BDP1: variants seen among roughly 807,000 people sequenced by gnomAD.
The protein encoded by BDP1 is BDP1 general transcription factor IIIB subunit, also known as transcription factor TFIIIB component B'' homolog.
BDP1 carries 169 observed loss-of-function variants against 266.6 expected under a neutral mutation model. The observed-to-expected ratio is 0.63, with a 90% CI of 0.56 to 0.72. The LOEUF is 0.72. BDP1 is among the 30% of genes least tolerant of loss of function. BDP1 has a pLI of 0.00. For missense variants in BDP1, 3,015 were observed against 3,053.8 expected (o/e 0.99, Z 0.30); for synonymous variants, 1,090 against 1,022.4 (o/e 1.07, Z -1.26).
At chr5:71,545,262 C>T (rs1489325999) in intron 32 of BDP1, 43 bp downstream of exon 32, 1 of 1,519,320 alleles carries the variant, frequency 6.6e-7, no homozygotes, top group East Asian at 2.3e-5. Context: ...AAGGTGTTTT[C>T]CTCCATTTAA....
chr5:71,516,046 T>A lies in BDP1; in HGVS notation c.4650-15T>A. 2 of 1,580,956 alleles carry A rather than the reference T, an allele frequency of 1.3e-6. No homozygotes were observed. Among genetic ancestry groups the A allele is most frequent in the Non-Finnish European group, 1.7e-6 (2 of 1,160,972 alleles). On this transcript the variant is annotated splice_polypyrimidine_tract_variant and intron_variant, in intron 20 of 38. Coordinates refer to ENST00000358731, the MANE Select transcript of BDP1 (RefSeq NM_018429.3). ...CAGTCAAGCGCCCTGCCTTTCTCCCTGTCCCCTTGTTTAGGACTAATAATG... is the reference window on the plus strand; with the variant it reads ...CAGTCAAGCGCCCTGCCTTTCTCCCAGTCCCCTTGTTTAGGACTAATAATG...
chr5:71,524,086 A>T lies in BDP1; in HGVS notation c.5535A>T (p.Gly1845=). The T allele has an allele frequency of 6.2e-7, 1 of 1,614,236 alleles. No individual in the cohort carries two copies. Among genetic ancestry groups the T allele is most frequent in the Admixed American group, 1.7e-5 (1 of 60,028 alleles). ...KFKPNVTRGR[G]SKRVRGKTSK... Reference sequence around the variant, plus strand: ...AACCAAATGTCACCAGAGGTCGTGGATCAAAACGAGTTCGGGGTAAGACCT... The same window carrying T: ...AACCAAATGTCACCAGAGGTCGTGGTTCAAAACGAGTTCGGGGTAAGACCT... Residue 1845 remains glycine (G), a synonymous_variant, in exon 25 of 39, where the codon GGA becomes GGT. Transcript: ENST00000358731.
intron 16 of BDP1, among the ~76,000 whole-genome samples, chr5:71,506,281 G>A (rs748163840): frequency 1.3e-5 from 2 of 152,132 alleles, no homozygotes; most frequent in Non-Finnish European, 2.9e-5. Flanking sequence ...CATGGGCAGT[G>A]TCATTTTTGC....
chr5:71,561,861 G>T (rs1429687574), intron 37 of BDP1, among the ~76,000 whole-genome samples: 1 of 152,132 alleles, frequency 6.6e-6, no homozygotes, highest in Non-Finnish European at 1.5e-5. Flanking sequence ...CTAGAGACCG[G>T]GGTCCTGCTA....
At chr5:71,530,669 C>T (rs1766188460) in intron 25 of BDP1, among the ~76,000 whole-genome samples, 1 of 152,144 alleles carries the variant, frequency 6.6e-6, no homozygotes, top group Admixed American at 6.5e-5. Context: ...CAGGCATGTG[C>T]CCCCGTGCTC....
intron 8 of BDP1, among the ~76,000 whole-genome samples, chr5:71,485,550 T>C (rs1317128486): frequency 6.6e-6 from 1 of 152,174 alleles, no homozygotes; most frequent in East Asian, 1.9e-4. Context: ...TTTTAGTATA[T>C]ACCTTCTTTT....
chr5:71,500,123 T>C (rs1764136957), intron 13 of BDP1, among the ~76,000 whole-genome samples: 1 of 152,086 alleles, frequency 6.6e-6, no homozygotes, highest in African/African-American at 2.4e-5. Context: ...TTTTAAGATG[T>C]TGGTTTGCTT....
At chr5:71,508,623 T>G (rs972653122) in intron 16 of BDP1, among the ~76,000 whole-genome samples, 4 of 152,194 alleles carry the variant, frequency 2.6e-5, no homozygotes, top group Admixed American at 1.3e-4. Context: ...TATAGTTATA[T>G]ACCTGTTCAG....
In BDP1 at chr5:71,458,691, G is replaced by A. The variant is rs777583955; in HGVS notation, c.325G>A (p.Val109Ile). 3 of 1,614,138 alleles carry A rather than the reference G, an allele frequency of 1.9e-6. No homozygotes were observed. Among genetic ancestry groups the A allele is most frequent in the East Asian group, 2.2e-5 (1 of 44,878 alleles). ...SSTSSLVKSSVSVPSESHPLS... is the reference protein window; with the variant it reads ...SSTSSLVKSSISVPSESHPLS... ...TACTTCTAGCCTGGTTAAGTCTAGT[G>A]TCAGTGTTCCTTCAGAATCTCATCC... The change falls in exon 2 of 39, where the codon GTC becomes ATC. Residue 109 changes from valine (V) to isoleucine (I), a missense_variant. Around this residue, in one of 3 missense-constraint regions of BDP1, gnomAD observed 2,383 missense variants for 2,404.9 expected, o/e 0.99. Coordinates refer to ENST00000358731, the MANE Select transcript of BDP1 (RefSeq NM_018429.3).
intron 8 of BDP1, 90 bp downstream of exon 8, chr5:71,483,986 T>G (rs1252101523): frequency 3.6e-6 from 4 of 1,121,242 alleles, no homozygotes; most frequent in Non-Finnish European, 5.2e-6. Context: ...TGTTTTAGAT[T>G]TGTTTTGTTC....
At chr5:71,505,430 T>C (rs537791308) in intron 16 of BDP1, among the ~76,000 whole-genome samples, 1 of 152,378 alleles carries the variant, frequency 6.6e-6, no homozygotes, top group East Asian at 1.9e-4. Context: ...ATTTAAGATT[T>C]ATAAATTTTA....
Position 71,497,313 on chromosome 5 carries a change from C to T in BDP1, c.1843C>T (p.Arg615Cys), listed in dbSNP as rs759542204. 12 of 1,613,562 alleles carry T rather than the reference C, an allele frequency of 7.4e-6. No individual in the cohort carries two copies. The highest frequency in any genetic ancestry group is 2.2e-5 in the East Asian group (1 of 44,842). ...TENVKPMLRGRFQRPKPNLSR... is the reference protein window; with the variant it reads ...TENVKPMLRGCFQRPKPNLSR... Reference sequence around the variant, plus strand: ...AAATGTTAAACCAATGTTGAGAGGTCGCTTCCAAAGACCTAAACCCAATTT... The same window carrying T: ...AAATGTTAAACCAATGTTGAGAGGTTGCTTCCAAAGACCTAAACCCAATTT... Residue 615 changes from arginine to cysteine, a missense_variant, in exon 13 of 39, where the codon CGC (arginine) becomes TGC (cysteine). Arg to Cys is a radical substitution (Grantham distance 180, BLOSUM62 -3). Coordinates refer to ENST00000358731, the MANE Select transcript of BDP1 (RefSeq NM_018429.3).
At chr5:71,531,053 G>A (rs1430605989) in intron 25 of BDP1, among the ~76,000 whole-genome samples, 3 of 152,024 alleles carry the variant, frequency 2.0e-5, no homozygotes, top group Non-Finnish European at 4.4e-5. Flanking sequence ...CAGCTTGGGC[G>A]ATAGAGTGAG....
At chr5:71,575,760 A>T in the BDP1 span, among the ~76,000 whole-genome samples, 4 of 152,200 alleles carry the variant, frequency 2.6e-5, no homozygotes, top group South Asian at 8.3e-4. Context: ...ACCCCAAGGC[A>T]TGCTTAACAG....
chr5:71,497,646 A>G (rs1763975406), intron 13 of BDP1, among the ~76,000 whole-genome samples: 1 of 152,232 alleles, frequency 6.6e-6, no homozygotes. Context: ...CTCAGTGGTG[A>G]TAAATCTGTC....
intron 2 of BDP1, among the ~76,000 whole-genome samples, chr5:71,460,130 A>T (rs1761453132): frequency 6.6e-6 from 1 of 152,226 alleles, no homozygotes; most frequent in African/African-American, 2.4e-5. Context: ...CTGTAATCCC[A>T]GCACTTTGGG....
rs796287628 is a variant in BDP1 at position 71,522,576 on chromosome 5, A to G, written c.5193+86A>G. The G allele has an allele frequency of 9.7e-5, 124 of 1,282,874 alleles. 1 individual carries two copies. In the African/African-American group the frequency reaches 1.6e-3, roughly 17 times the overall value. 79.5% of individuals were successfully genotyped at this position (1,282,874 alleles called of 1,614,324 possible). A position where few individuals can be genotyped will look rare whatever the true frequency, so the allele number is the denominator to read the frequency against. ...ATCATGAAGAGCATGAGTAAAATAC[A>G]GTTTTGACTTCTGTACTGTAACCAT... On this transcript the variant is annotated intron_variant, in intron 23 of 38. Coordinates refer to ENST00000358731, the MANE Select transcript of BDP1 (RefSeq NM_018429.3).
intron 35 of BDP1, among the ~76,000 whole-genome samples, chr5:71,553,640 G>A (rs1743010721): frequency 6.6e-6 from 1 of 152,088 alleles, no homozygotes; most frequent in Non-Finnish European, 1.5e-5. Flanking sequence ...CCTTAGGCAA[G>A]ATACTTCACC....
chr5:71,559,916 T>G (rs1283370370), intron 36 of BDP1, 66 bp from the exon 37 acceptor site: 8 of 1,522,826 alleles, frequency 5.3e-6, no homozygotes, highest in Middle Eastern at 1.7e-4. Context: ...TCTTTTCAAA[T>G]GCTGGGATTA....
Sources: allele counts gnomAD v4.1 joint callset (sites outside exome capture counted in the v4.1 genomes callset), GRCh38; gene constraint gnomAD v4.1.1; regional missense constraint gnomAD v4.1.1; transcripts MANE v1.5; gene names NCBI Gene and HGNC (gene_info 2026-07-23, HGNC 2026-07-21).